Variants in NINJ1 observed in about 807,000 individuals in gnomAD.
The protein encoded by NINJ1 is ninjurin 1, also known as ninjurin-1.
In NINJ1, 6 loss-of-function variants were observed where a neutral mutation model predicts 12.7. The ratio of observed to expected loss-of-function variants is 0.47; its 90% confidence interval spans 0.26 to 0.93. The LOEUF (loss-of-function observed/expected upper bound fraction) is 0.93. Among genes scored for constraint, NINJ1 ranks in the 40% least tolerant of loss-of-function variants. NINJ1 has a pLI of 0.15. For missense variants in NINJ1, 170 were observed against 213.0 expected, an observed-to-expected ratio of 0.80 and a Z score of 1.26; for synonymous variants, 100 against 96.0, an observed-to-expected ratio of 1.04 and a Z score of -0.25.
At chr9:93,124,056 G>A (rs564412422) in intron 3 of NINJ1, among the ~76,000 whole-genome samples, 9 of 152,374 alleles carry the variant, frequency 5.9e-5, no homozygotes, top group South Asian at 2.1e-4. Context: ...TGCGAGGCCC[G>A]GCAAGGGGCA....
intron 3 of NINJ1, among the ~76,000 whole-genome samples, chr9:93,122,527 CAG>C (rs1392087356): frequency 6.6e-6 from 1 of 151,192 alleles, no homozygotes; most frequent in African/African-American, 2.4e-5. Context: ...CCCCGAGTGT[CAG>C]GGCCATTTGC....
At chr9:93,132,361 C>T (rs1330491117) in intron 1 of NINJ1, among the ~76,000 whole-genome samples, 2 of 152,194 alleles carry the variant, frequency 1.3e-5, no homozygotes, top group African/African-American at 4.8e-5. Context: ...TGCAAGGCCC[C>T]TCCCATCGGC....
rs371606795 is a variant in NINJ1, at chr9:93,134,210, G to A, written c.8C>T (p.Ser3Leu). The A allele has an allele frequency of 2.2e-5, 33 of 1,509,916 alleles. No homozygotes were observed. The highest frequency in any genetic ancestry group is 8.7e-5 in the South Asian group (7 of 80,376). 93.5% of individuals were successfully genotyped at this position (1,509,916 alleles called of 1,614,324 possible). The change falls in exon 1 of 4, where the codon TCG becomes TTG. Residue 3 changes from serine (S) to leucine (L), a missense_variant. Physicochemically the swap from Ser to Leu is moderately radical, Grantham distance 145 (BLOSUM62 -2). Coordinates refer to ENST00000375446, the MANE Select transcript of NINJ1 (RefSeq NM_004148.4). MD[S>L]GTEEYELNGG... is the part of the protein sequence containing the mutation. ...GTTGAGCTCGTACTCCTCGGTTCCCGAGTCCATGGTGCGGCCGCCCAGGCC... is the reference window on the plus strand; with the variant it reads ...GTTGAGCTCGTACTCCTCGGTTCCCAAGTCCATGGTGCGGCCGCCCAGGCC...
intron 1 of NINJ1, among the ~76,000 whole-genome samples, chr9:93,128,410 C>G (rs1827843768): frequency 6.6e-6 from 1 of 152,238 alleles, no homozygotes; most frequent in Non-Finnish European, 1.5e-5. Context: ...AGAGCCACCT[C>G]CCAGGACTGT....
rs752226921 is a variant in NINJ1, at chr9:93,125,054, C to T, written c.313G>A (p.Asp105Asn). ...GVLLIFLVKY[D>N]LNNPAKHAKL... ...GCGTGCTTGGCCGGGTTGTTAAGGT[C>T]GTACTTGACTGTGGGCGAGAGAGGA... The change falls in exon 3 of 4, where the codon GAC becomes AAC. Residue 105 changes from aspartate to asparagine, a missense_variant. Transcript: ENST00000375446. The T allele has an allele frequency of 8.7e-6, 14 of 1,611,880 alleles. No homozygotes were observed. The highest frequency in any genetic ancestry group is 4.4e-5 in the South Asian group (4 of 90,746).
chr9:93,134,232 GGCC>G lies in NINJ1; in HGVS notation c.-18_-16del. 1 of 1,468,860 alleles carries G rather than the reference GGCC, an allele frequency of 6.8e-7. No homozygotes were observed. Among genetic ancestry groups the G allele is most frequent in the Non-Finnish European group, 9.1e-7 (1 of 1,099,394 alleles). The allele number at this position is 1,468,860 out of a possible 1,614,324, so 91.0% of individuals were successfully genotyped here. Reference sequence around the variant, plus strand: ...CCCGAGTCCATGGTGCGGCCGCCCAGGCCGCCAGGATCCGGGCCTGAGCGCGCC... The same window carrying G: ...CCCGAGTCCATGGTGCGGCCGCCCAGGCCAGGATCCGGGCCTGAGCGCGCC... On this transcript the variant is annotated 5_prime_UTR_variant, in exon 1 of 4. Coordinates refer to ENST00000375446, the MANE Select transcript of NINJ1 (RefSeq NM_004148.4).
intron 1 of NINJ1, 81 bp from the exon 2 acceptor site, chr9:93,126,719 G>A (rs541396699): frequency 5.0e-5 from 54 of 1,086,090 alleles, no homozygotes; most frequent in African/African-American, 3.1e-5. Context: ...GGGGGTCACC[G>A]GGCCCTGCAG....
chr9:93,127,872 G>A (rs1827835878), intron 1 of NINJ1, among the ~76,000 whole-genome samples: 1 of 152,268 alleles, frequency 6.6e-6, no homozygotes, highest in Admixed American at 6.5e-5. Context: ...CAGGGCCACA[G>A]GGAGGGGCGG....
At chr9:93,134,011 A>T in intron 1 of NINJ1, 132 bp downstream of exon 1, 1 of 560,254 alleles carries the variant, frequency 1.8e-6, no homozygotes, top group Non-Finnish European at 2.9e-6. Context: ...GGCGGGAAGG[A>T]CTTGGCCTAG....
intron 3 of NINJ1, among the ~76,000 whole-genome samples, chr9:93,124,100 G>T (rs1827774632): frequency 6.6e-6 from 1 of 152,234 alleles, no homozygotes; most frequent in Non-Finnish European, 1.5e-5. Context: ...CACGTGACAA[G>T]ATCCTGAATC....
chr9:93,132,804 C>T (rs1384626022), intron 1 of NINJ1, among the ~76,000 whole-genome samples: 5 of 152,194 alleles, frequency 3.3e-5, no homozygotes, highest in Non-Finnish European at 7.3e-5. Flanking sequence ...TCCTGCCGCC[C>T]GCAGAAGTGA....
At chr9:93,132,614 C>A (rs1324112499) in intron 1 of NINJ1, among the ~76,000 whole-genome samples, 1 of 152,236 alleles carries the variant, frequency 6.6e-6, no homozygotes, top group Non-Finnish European at 1.5e-5. Context: ...CAGGGAACCC[C>A]CTGCTTTGCC....
At chr9:93,126,206 A>C in intron 2 of NINJ1, 1 of 560,850 alleles carries the variant, frequency 1.8e-6, no homozygotes, top group Non-Finnish European at 3.1e-6. Flanking sequence ...CAAAAAACAA[A>C]ACAAAACAAA....
intron 2 of NINJ1, chr9:93,125,816 T>A (rs1269913390): frequency 6.5e-6 from 1 of 153,452 alleles, no homozygotes; most frequent in African/African-American, 2.4e-5. Context: ...CCTGGGAGGC[T>A]GAGGCAGAAG....
chr9:93,130,527 G>C (rs1392689119), intron 1 of NINJ1, among the ~76,000 whole-genome samples: 1 of 152,208 alleles, frequency 6.6e-6, no homozygotes, highest in East Asian at 1.9e-4. Flanking sequence ...GTGAGGAGTA[G>C]GGCTGGAAGC....
intron 1 of NINJ1, among the ~76,000 whole-genome samples, chr9:93,126,865 G>A (rs760287966): frequency 1.1e-4 from 16 of 152,144 alleles, no homozygotes; most frequent in Non-Finnish European, 1.8e-4. Context: ...GAAAGGAAAC[G>A]ACATAGCAAC....
At chr9:93,122,819 C>A (rs368783866) in intron 3 of NINJ1, among the ~76,000 whole-genome samples, 1 of 152,240 alleles carries the variant, frequency 6.6e-6, no homozygotes, top group South Asian at 2.1e-4. Context: ...TGGGTCCCCA[C>A]GTGGCCCACA....
intron 1 of NINJ1, among the ~76,000 whole-genome samples, chr9:93,128,457 CT>C (rs1206329991): frequency 6.6e-6 from 1 of 152,224 alleles, no homozygotes; most frequent in Non-Finnish European, 1.5e-5. Flanking sequence ...TAGGGGCTTC[CT>C]CCCAGGCTGC....
At chr9:93,126,851 G>GAGAGAA (rs1222954157) in intron 1 of NINJ1, among the ~76,000 whole-genome samples, 1 of 152,180 alleles carries the variant, frequency 6.6e-6, no homozygotes, top group Non-Finnish European at 1.5e-5. Flanking sequence ...TACGGTCCTG[G>GAGAGAA]AGAGAAAGGA....
Sources: gnomAD v4.1 joint callset for allele counts (sites outside exome capture counted in the v4.1 genomes callset) on GRCh38, gnomAD v4.1.1 for gene constraint, MANE v1.5 for transcripts, NCBI Gene and HGNC (gene_info 2026-07-23, HGNC 2026-07-21) for gene names.